CNTNAP2: variants seen among roughly 807,000 people sequenced by gnomAD.
The protein encoded by CNTNAP2 is contactin associated protein 2, also known as contactin-associated protein-like 2.
A neutral mutation model predicts 155.2 loss-of-function variants in CNTNAP2; 98 were observed. The ratio of observed to expected loss-of-function variants is 0.63; its 90% confidence interval spans 0.54 to 0.75. CNTNAP2 has a LOEUF of 0.75. CNTNAP2 is among the 30% of genes least tolerant of loss of function. The pLI is 0.00. For synonymous variants in CNTNAP2, 651 were observed against 631.2 expected (o/e 1.03, Z -0.47); for missense variants, 1,727 against 1,688.1 (o/e 1.02, Z -0.40).
intron 13 of CNTNAP2, among the ~76,000 whole-genome samples, chr7:147,805,837 T>C (rs1798082056): frequency 6.6e-6 from 1 of 152,222 alleles, no homozygotes; most frequent in Admixed American, 6.5e-5. Flanking sequence ...TAGTATTTTC[T>C]TGAGAATCAA....
chr7:148,289,834 C>T (rs1360255175), intron 21 of CNTNAP2, among the ~76,000 whole-genome samples: 1 of 152,216 alleles, frequency 6.6e-6, no homozygotes, highest in Non-Finnish European at 1.5e-5. Flanking sequence ...ACCAGACGTT[C>T]CCTCTGCACA....
intron 10 of CNTNAP2, among the ~76,000 whole-genome samples, chr7:147,418,048 T>G (rs985766018): frequency 6.6e-6 from 1 of 152,218 alleles, no homozygotes; most frequent in African/African-American, 2.4e-5. Flanking sequence ...CATTTATAAC[T>G]ACATAATAGT....
chr7:147,030,914 C>A (rs983897074), intron 3 of CNTNAP2, among the ~76,000 whole-genome samples: 2 of 152,104 alleles, frequency 1.3e-5, no homozygotes, highest in African/African-American at 4.8e-5. Context: ...ATTTTTAATT[C>A]TCTATTGGTT....
intron 9 of CNTNAP2, among the ~76,000 whole-genome samples, chr7:147,334,863 C>T (rs1012331131): frequency 2.0e-5 from 3 of 152,198 alleles, no homozygotes; most frequent in Non-Finnish European, 2.9e-5. Flanking sequence ...GGGATATTCT[C>T]ATTACATATG....
rs1426783010 is a variant in CNTNAP2, at chr7:146,369,026, T to TATGTATATATATATATATATATATAC, written c.97+252056_97+252081dup. Among the ~76,000 whole-genome samples the TATGTATATATATATATATATATATAC allele has an allele frequency of 6.7e-4, 61 of 91,202 alleles. 1 individual carries two copies. The highest frequency in any genetic ancestry group is 9.2e-4 in the Non-Finnish European group (47 of 50,996). The allele number at this position is 91,202 out of a possible 152,430, so 59.8% of individuals were successfully genotyped here. A position where few individuals can be genotyped will look rare whatever the true frequency, so the allele number is the denominator to read the frequency against. ...AAAATAAAATTTGGAATAAAAGCAT[T>TATGTATATATATATATATATATATAC]ATGTATATATATATATATATATATA... On this transcript the variant is annotated intron_variant, in intron 1 of 23. Transcript: ENST00000361727.
intron 1 of CNTNAP2, among the ~76,000 whole-genome samples, chr7:146,416,223 A>G (rs1309941793): frequency 6.6e-6 from 1 of 151,224 alleles, no homozygotes; most frequent in Non-Finnish European, 1.5e-5. Context: ...ATGTTATTGT[A>G]TTGTCAACAC....
intron 13 of CNTNAP2, among the ~76,000 whole-genome samples, chr7:147,890,074 T>C (rs983066359): frequency 3.9e-5 from 6 of 152,168 alleles, no homozygotes; most frequent in African/African-American, 1.4e-4. Flanking sequence ...TAATTAGACA[T>C]TTTAAAAATA....
intron 14 of CNTNAP2, among the ~76,000 whole-genome samples, chr7:147,904,630 A>G (rs1158137082): frequency 6.6e-6 from 1 of 152,200 alleles, no homozygotes. Context: ...ACAGTTTACA[A>G]GACAAATTCA....
intron 9 of CNTNAP2, among the ~76,000 whole-genome samples, chr7:147,351,662 C>T (rs889820793): frequency 8.6e-5 from 13 of 151,682 alleles, no homozygotes; most frequent in Non-Finnish European, 1.8e-4. Context: ...AGTTTAGAAA[C>T]TCATGATTTT....
intron 1 of CNTNAP2, among the ~76,000 whole-genome samples, chr7:146,216,128 G>C (rs980776220): frequency 2.0e-5 from 3 of 152,172 alleles, no homozygotes; most frequent in Non-Finnish European, 4.4e-5. Flanking sequence ...ACTGCTCCAT[G>C]ATGGTTCATT....
intron 9 of CNTNAP2, among the ~76,000 whole-genome samples, chr7:147,321,584 T>A (rs1466052775): frequency 6.6e-6 from 1 of 152,192 alleles, no homozygotes; most frequent in East Asian, 1.9e-4. Context: ...CTAGACTAAC[T>A]TCATCTCTCT....
intron 13 of CNTNAP2, among the ~76,000 whole-genome samples, chr7:147,864,602 A>G (rs553190563): frequency 1.3e-5 from 2 of 151,872 alleles, no homozygotes; most frequent in Non-Finnish European, 2.9e-5. Context: ...CTTTTATTTC[A>G]TTGAGCAGTG....
intron 13 of CNTNAP2, among the ~76,000 whole-genome samples, chr7:147,790,957 T>C (rs60240845): frequency 2.0e-5 from 3 of 152,342 alleles, no homozygotes; most frequent in East Asian, 3.9e-4. Flanking sequence ...AATATTCTCA[T>C]TTTTACCAAA....
chr7:146,233,910 G>C (rs1799428116), intron 1 of CNTNAP2, among the ~76,000 whole-genome samples: 2 of 150,386 alleles, frequency 1.3e-5, no homozygotes, highest in Non-Finnish European at 1.5e-5. Flanking sequence ...ATTGTGAATA[G>C]TGCTGCAATA....
intron 1 of CNTNAP2, among the ~76,000 whole-genome samples, chr7:146,367,418 C>A (rs1223509651): frequency 6.6e-6 from 1 of 151,958 alleles, no homozygotes; most frequent in African/African-American, 2.4e-5. Flanking sequence ...TATCAAAAAC[C>A]AATTTCTTTA....
chr7:148,380,935 T>G (rs34777320), intron 21 of CNTNAP2, among the ~76,000 whole-genome samples: 1 of 151,976 alleles, frequency 6.6e-6, no homozygotes, highest in Non-Finnish European at 1.5e-5. Flanking sequence ...GAAGCACGCA[T>G]GTGAATGAGG....
intron 1 of CNTNAP2, among the ~76,000 whole-genome samples, chr7:146,580,190 G>T (rs1245526587): frequency 6.6e-6 from 1 of 152,028 alleles, no homozygotes; most frequent in Non-Finnish European, 1.5e-5. Context: ...TTTAACAGGG[G>T]AATTTTATCC....
intron 9 of CNTNAP2, among the ~76,000 whole-genome samples, chr7:147,347,704 A>G (rs1795901751): frequency 6.6e-6 from 1 of 152,012 alleles, no homozygotes; most frequent in African/African-American, 2.4e-5. Flanking sequence ...TGGGATCACA[A>G]AAATCCCAGA....
At chr7:146,690,341 C>T (rs927896607) in intron 1 of CNTNAP2, among the ~76,000 whole-genome samples, 7 of 152,112 alleles carry the variant, frequency 4.6e-5, no homozygotes, top group African/African-American at 1.2e-4. Context: ...AGTGATTGGT[C>T]ACTGCACATG....
Sources: gnomAD v4.1 joint callset for allele counts (sites outside exome capture counted in the v4.1 genomes callset) on GRCh38, gnomAD v4.1.1 for gene constraint, MANE v1.5 for transcripts, NCBI Gene and HGNC (gene_info 2026-07-23, HGNC 2026-07-21) for gene names.